The following LUZP1 variants were observed in gnomAD, a reference collection of about 807,000 sequenced individuals.
LUZP1 encodes leucine zipper protein 1.
LUZP1 carries 25 observed loss-of-function variants against 71.3 expected under a neutral mutation model. The ratio of observed to expected loss-of-function variants is 0.35; its 90% CI spans 0.26 to 0.49. LUZP1 has a LOEUF of 0.49. LUZP1 is among the 20% of genes least tolerant of loss of function. The pLI is 0.99. For missense variants in LUZP1, 1,142 were observed against 1,300.8 expected (o/e 0.88, Z 1.88); for synonymous variants, 481 against 506.4 (o/e 0.95, Z 0.67).
chr1:23,097,767 A>G (rs1643900714), intron 3 of LUZP1, among the ~76,000 whole-genome samples: 1 of 152,192 alleles, frequency 6.6e-6, no homozygotes, highest in Admixed American at 6.5e-5. Context: ...GCTTGAGCCC[A>G]GGAGTTTAAG....
chr1:23,176,342 G>A (rs1644582530), intron 1 of LUZP1, among the ~76,000 whole-genome samples: 1 of 152,136 alleles, frequency 6.6e-6, no homozygotes, highest in African/African-American at 2.4e-5. Flanking sequence ...GGGATTACAG[G>A]TGTGACCCAC....
In LUZP1 at chr1:23,140,321, C is replaced by T. The variant is rs532353450; in HGVS notation, c.-226+28445G>A. 7.2e-5 allele frequency: 11 copies of T among 152,176 alleles called. No individual in the cohort carries two copies. The South Asian group carries it at 1.9e-3, about 26-fold the overall frequency. 9.4% of individuals were successfully genotyped at this position (152,176 alleles called of 1,614,324 possible). On this transcript the variant is annotated intron_variant, in intron 2 of 4. Coordinates refer to ENST00000302291, the Ensembl canonical transcript of LUZP1. ...CTACACATATTACACATATGTAATA[C>T]ACATATTACACTTACACCAAGCTCC...
At chr1:23,117,476 T>TCCCC (rs370868213) in intron 2 of LUZP1, among the ~76,000 whole-genome samples, 1 of 39,682 alleles carries the variant, frequency 2.5e-5, no homozygotes. Context: ...TCTCTCTCTC[T>TCCCC]CCCCCCCCCC....
intron 2 of LUZP1, among the ~76,000 whole-genome samples, chr1:23,128,340 C>T (rs925532369): frequency 6.6e-6 from 1 of 152,014 alleles, no homozygotes. Context: ...TGTACTAAGA[C>T]ATGGATGTGA....
intron 1 of LUZP1, among the ~76,000 whole-genome samples, chr1:23,170,191 C>T (rs906937826): frequency 1.3e-5 from 2 of 152,248 alleles, no homozygotes; most frequent in South Asian, 2.1e-4. Flanking sequence ...AAGAACTGAC[C>T]TCCCATTTGT....
chr1:23,094,255 C>T lies in LUZP1; in HGVS notation c.7G>A (p.Glu3Lys), dbSNP rs749251494. 6 of 1,601,592 alleles carry T rather than the reference C, an allele frequency of 3.7e-6. No homozygotes were observed. Among genetic ancestry groups the T allele is most frequent in the East Asian group, 2.2e-5 (1 of 44,814 alleles). ...GCCGTCTCCTTGTAGCTTGTAAATTCGGCCATGTCTACTGCCAGCCAATGT... is the reference window on the plus strand; with the variant it reads ...GCCGTCTCCTTGTAGCTTGTAAATTTGGCCATGTCTACTGCCAGCCAATGT... The change falls in exon 4 of 5, where the codon GAA becomes AAA. Residue 3 changes from glutamate to lysine, a missense_variant. Transcript: ENST00000302291. The surrounding 1 kb of genome is among the most constrained non-coding windows in gnomAD (Gnocchi z 4.7).
At chr1:23,108,351 G>A (rs938865058) in intron 3 of LUZP1, among the ~76,000 whole-genome samples, 5 of 152,202 alleles carry the variant, frequency 3.3e-5, no homozygotes, top group East Asian at 1.9e-4. Flanking sequence ...GCTCATGCCT[G>A]TAATCCCAGC....
At position 23,094,365 on chromosome 1, in the gene LUZP1, G is replaced by A; in HGVS notation, c.-104C>T. 2.0e-6 allele frequency: 3 copies of A among 1,483,224 alleles called. No homozygotes were observed. Among genetic ancestry groups the A allele is most frequent in the Non-Finnish European group, 2.7e-6 (3 of 1,121,770 alleles). 91.9% of individuals were successfully genotyped at this position (1,483,224 alleles called of 1,614,324 possible). A position where few individuals can be genotyped will look rare whatever the true frequency, so the allele number is the denominator to read the frequency against. ...GCAACCACAATCTTCTTTGACAGCT[G>A]GAGACCATCATCAATCTACAAAAGG... On this transcript the variant is annotated 5_prime_UTR_variant, in exon 4 of 5. It introduces an in-frame stop codon into an upstream open reading frame of the 5' UTR. Coordinates refer to ENST00000302291, the Ensembl canonical transcript of LUZP1. The surrounding 1 kb of genome is among the most constrained non-coding windows in gnomAD (Gnocchi z 4.7).
chr1:23,127,485 A>G (rs1409043652), intron 2 of LUZP1, among the ~76,000 whole-genome samples: 1 of 152,218 alleles, frequency 6.6e-6, no homozygotes. Flanking sequence ...TCTGTCTAGG[A>G]TCAAATTCTT....
At chr1:23,101,247 A>C (rs1376134385) in intron 3 of LUZP1, among the ~76,000 whole-genome samples, 1 of 152,178 alleles carries the variant, frequency 6.6e-6, no homozygotes, top group African/African-American at 2.4e-5. Context: ...CCACACAAAA[A>C]CAATATGGTA....
At chr1:23,121,215 C>T (rs1321320538) in intron 2 of LUZP1, among the ~76,000 whole-genome samples, 1 of 152,212 alleles carries the variant, frequency 6.6e-6, no homozygotes, top group African/African-American at 2.4e-5. Context: ...TAGTTATATA[C>T]AGCTAATTTA....
At chr1:23,137,197 A>G (rs1031445032) in intron 2 of LUZP1, among the ~76,000 whole-genome samples, 22 of 152,256 alleles carry the variant, frequency 1.4e-4, no homozygotes, top group Non-Finnish European at 1.5e-5. Flanking sequence ...ACAGAGAGAT[A>G]CAGAGATCTT....
intron 2 of LUZP1, among the ~76,000 whole-genome samples, chr1:23,161,098 GA>G (rs1339914023): frequency 3.9e-5 from 6 of 152,158 alleles, no homozygotes; most frequent in Admixed American, 2.6e-4. Flanking sequence ...GCTGAATTGG[GA>G]ATATGGCCAT....
chr1:23,156,319 G>A (rs1330411226), intron 2 of LUZP1, among the ~76,000 whole-genome samples: 1 of 152,044 alleles, frequency 6.6e-6, no homozygotes, highest in East Asian at 1.9e-4. Context: ...GGCAGAAGTT[G>A]CAGTGAGCCG....
intron 2 of LUZP1, among the ~76,000 whole-genome samples, chr1:23,133,068 C>G (rs1364916004): frequency 6.6e-6 from 1 of 152,132 alleles, no homozygotes; most frequent in Non-Finnish European, 1.5e-5. Context: ...CTTAACCAGC[C>G]TTGGGCTCAG....
chr1:23,167,953 C>CG (rs1287360854), intron 2 of LUZP1, among the ~76,000 whole-genome samples: 1 of 151,638 alleles, frequency 6.6e-6, no homozygotes, highest in Admixed American at 6.6e-5. Flanking sequence ...CCGCGGCGGG[C>CG]GGGGGGAGGC....
At chr1:23,100,943 A>G (rs1416872543) in intron 3 of LUZP1, among the ~76,000 whole-genome samples, 1 of 152,228 alleles carries the variant, frequency 6.6e-6, no homozygotes, top group Non-Finnish European at 1.5e-5. Context: ...AGCAAAAGTC[A>G]AGGACTTCAG....
intron 2 of LUZP1, chr1:23,162,880 G>A (rs888490890): frequency 3.9e-5 from 6 of 152,080 alleles, no homozygotes; most frequent in African/African-American, 1.2e-4. Context: ...GGTCTTGAAT[G>A]AAAGATTACC....
At chr1:23,125,276 A>T (rs999411347) in intron 2 of LUZP1, among the ~76,000 whole-genome samples, 2 of 152,214 alleles carry the variant, frequency 1.3e-5, no homozygotes, top group African/African-American at 4.8e-5. Context: ...AAGTATGCCC[A>T]CTAAAATGAT....
Sources: gnomAD v4.1 joint callset for allele counts (sites outside exome capture counted in the v4.1 genomes callset) on GRCh38, gnomAD v4.1.1 for gene constraint, Gnocchi (gnomAD v3.1) non-coding constraint, MANE v1.5 for transcripts, NCBI Gene and HGNC (gene_info 2026-07-23, HGNC 2026-07-21) for gene names.